The following AKAP13 variants were observed in gnomAD, a reference collection of about 807,000 sequenced individuals.
AKAP13 encodes the protein A-kinase anchoring protein 13.
Under a neutral mutation model 264.5 loss-of-function variants are expected in AKAP13, and 80 were observed. The ratio of observed to expected loss-of-function variants is 0.30; its 90% CI spans 0.25 to 0.36. AKAP13 has a LOEUF of 0.36. Among genes scored for constraint, AKAP13 ranks in the 10% least tolerant of loss-of-function variants. The pLI, the probability that AKAP13 is intolerant of heterozygous loss-of-function variation, is 1.00. For synonymous variants in AKAP13, 1,380 were observed against 1,250.2 expected (o/e 1.10, Z -2.19); for missense variants, 3,712 against 3,435.2 (o/e 1.08, Z -2.01).
At chr15:85,432,427 G>C (rs993446933) in intron 1 of AKAP13, among the ~76,000 whole-genome samples, 1 of 151,908 alleles carries the variant, frequency 6.6e-6, no homozygotes, top group Non-Finnish European at 1.5e-5. Flanking sequence ...GCAGAAAGTG[G>C]TTTGTAAAAT....
At chr15:85,525,782 A>G (rs1332410901) in intron 3 of AKAP13, among the ~76,000 whole-genome samples, 1 of 152,206 alleles carries the variant, frequency 6.6e-6, no homozygotes, top group African/African-American at 2.4e-5. Flanking sequence ...AAATCTGGAC[A>G]TCCTTTGAAG....
At position 85,730,660 on chromosome 15, in the gene AKAP13, A is replaced by G. The variant is rs1337191625; in HGVS notation, c.7235A>G (p.Glu2412Gly). 1.2e-6 allele frequency: 2 copies of G among 1,614,114 alleles called. No individual in the cohort carries two copies. The highest frequency in any genetic ancestry group is 4.5e-5 in the East Asian group (2 of 44,878). The stretch of plus-strand genomic sequence containing the variant: ...AGAGTTCTCTTCCGCTCCAACACAG[A>G]AGAGGCTCTCAAAGGAGGACCTTTA... ...SPRVLFRSNT[E>G]EALKGGPLMK... The change falls in exon 30 of 37, where the codon GAA (glutamate) becomes GGA (glycine). Residue 2412 changes from glutamate to glycine, a missense_variant. By Grantham distance (98) the Glu-to-Gly change is moderately conservative. This residue lies in a region of AKAP13 where 611 missense variants were observed against 539.3 expected (regional missense o/e 1.13). Transcript: ENST00000394518.
In AKAP13 at chr15:85,578,220, C is replaced by T. The variant is rs374126177; in HGVS notation, c.862-710C>T. 1.8e-4 allele frequency among the ~76,000 whole-genome samples: 28 copies of T among 152,314 alleles called. No individual in the cohort carries two copies. The East Asian group carries it at 4.8e-3, about 26-fold the overall frequency. ...GTCACTTGAGCCCAGGAGTTCAAGG[C>T]TGCGGTGAGCTGTGATCACACCACT... is the stretch of plus-strand genomic sequence containing the variant. On this transcript the variant is annotated intron_variant, in intron 6 of 36. Coordinates refer to ENST00000394518, the MANE Select transcript of AKAP13 (RefSeq NM_007200.5).
rs529581037 is a variant in AKAP13 at position 85,716,688 on chromosome 15, T to G, written c.5736-602T>G. 3.3e-5 allele frequency among the ~76,000 whole-genome samples: 5 copies of G among 152,348 alleles called. No homozygotes were observed. The South Asian group carries it at 6.2e-4, about 19-fold the overall frequency. ...ATGTTTTCTCCTCCTCTAAAAAGTT[T>G]CAGGTATTTTTGTTTTGTTTTGTTT... On this transcript the variant is annotated intron_variant, in intron 20 of 36. Transcript: ENST00000394518.
intron 27 of AKAP13, among the ~76,000 whole-genome samples, chr15:85,726,791 T>C (rs1382672552): frequency 6.6e-6 from 1 of 152,262 alleles, no homozygotes; most frequent in Non-Finnish European, 1.5e-5. Flanking sequence ...TGTATAATAT[T>C]GCTGACTGGA....
In AKAP13 at chr15:85,494,900, G is replaced by T. The variant is rs149830803; in HGVS notation, c.33+9147G>T. On this transcript the variant is annotated intron_variant, in intron 2 of 36. Coordinates refer to ENST00000394518, the MANE Select transcript of AKAP13 (RefSeq NM_007200.5). ...TGTAGCAATTGGAAGATGAAGAAGAGAGGAATATTCAAAAAGATAGCATTG... is the reference window on the plus strand; with the variant it reads ...TGTAGCAATTGGAAGATGAAGAAGATAGGAATATTCAAAAAGATAGCATTG... 3.2e-3 allele frequency among the ~76,000 whole-genome samples: 484 copies of T among 151,780 alleles called. 1 individual carries two copies. The highest frequency in any genetic ancestry group is 5.1e-3 in the Non-Finnish European group (347 of 67,914).
chr15:85,575,029 C>G, intron 5 of AKAP13, 102 bp from the exon 6 acceptor site: 1 of 1,187,118 alleles, frequency 8.4e-7, no homozygotes, highest in Non-Finnish European at 1.2e-6. Flanking sequence ...TGTTGAACCT[C>G]AAAGAACAAT....
At chr15:85,738,817 C>T (rs965473283) in intron 33 of AKAP13, among the ~76,000 whole-genome samples, 1 of 142,576 alleles carries the variant, frequency 7.0e-6, no homozygotes, top group Non-Finnish European at 1.5e-5. Context: ...CGCAGTCCGG[C>T]CTGGGCGACA....
chr15:85,667,824 T>G (rs1351421368), intron 13 of AKAP13, among the ~76,000 whole-genome samples: 1 of 152,240 alleles, frequency 6.6e-6, no homozygotes, highest in East Asian at 1.9e-4. Flanking sequence ...CTTAATATTA[T>G]TTATGTGATA....
At chr15:85,594,752 C>T (rs1054321352) in intron 8 of AKAP13, among the ~76,000 whole-genome samples, 1 of 152,170 alleles carries the variant, frequency 6.6e-6, no homozygotes, top group Non-Finnish European at 1.5e-5. Flanking sequence ...GGCCTAGGTC[C>T]ACCTCAGGGA....
chr15:85,678,297 G>A (rs1406975900), intron 14 of AKAP13, among the ~76,000 whole-genome samples: 1 of 152,142 alleles, frequency 6.6e-6, no homozygotes, highest in African/African-American at 2.4e-5. Flanking sequence ...CCTACCACTT[G>A]CTGATTCTAA....
chr15:85,632,272 G>A (rs2081872074), intron 8 of AKAP13, among the ~76,000 whole-genome samples: 1 of 152,094 alleles, frequency 6.6e-6, no homozygotes, highest in South Asian at 2.1e-4. Context: ...GCCCTATGCA[G>A]GCAACACGAA....
intron 8 of AKAP13, among the ~76,000 whole-genome samples, chr15:85,636,517 G>A (rs1007451297): frequency 6.6e-6 from 1 of 152,220 alleles, no homozygotes; most frequent in South Asian, 2.1e-4. Context: ...AATGTTAACC[G>A]TAGGTTTTTT....
intron 12 of AKAP13, among the ~76,000 whole-genome samples, chr15:85,662,818 C>T (rs575199819): frequency 2.6e-5 from 4 of 152,340 alleles, no homozygotes; most frequent in Admixed American, 2.6e-4. Context: ...TATTATGCTT[C>T]TAAATCCACC....
At chr15:85,563,609 A>T (rs1034371153) in intron 5 of AKAP13, among the ~76,000 whole-genome samples, 2 of 152,090 alleles carry the variant, frequency 1.3e-5, no homozygotes, top group Non-Finnish European at 2.9e-5. Flanking sequence ...CACCGCATGA[A>T]CTGTTCCTAC....
At chr15:85,434,137 G>GGT (rs1313739375) in intron 1 of AKAP13, among the ~76,000 whole-genome samples, 8 of 152,008 alleles carry the variant, frequency 5.3e-5, no homozygotes, top group Non-Finnish European at 1.0e-4. Flanking sequence ...GCCGAAGCAG[G>GGT]GCGAGGCATT....
chr15:85,596,527 T>G (rs1305387978), intron 8 of AKAP13, among the ~76,000 whole-genome samples: 1 of 151,986 alleles, frequency 6.6e-6, no homozygotes, highest in East Asian at 1.9e-4. Flanking sequence ...GAGGCTGCGG[T>G]GACCCATGAT....
In AKAP13 at chr15:85,580,873, C is replaced by G. The variant is rs751692409; in HGVS notation, c.2805C>G (p.Ser935=). The G allele has an allele frequency of 3.7e-6, 6 of 1,614,012 alleles. No homozygotes were observed. In the Admixed American group the frequency reaches 8.3e-5, roughly 22 times the overall value. The part of the protein sequence containing the change: ...EQDKDKAVTC[S]SIKENALSSG... Reference sequence around the variant, plus strand: ...ATAAGGATAAAGCGGTGACCTGTTCCTCTATTAAGGAAAATGCTCTCTCTT... The same window carrying G: ...ATAAGGATAAAGCGGTGACCTGTTCGTCTATTAAGGAAAATGCTCTCTCTT... Residue 935 remains serine, a synonymous_variant, in exon 7 of 37, where the codon TCC becomes TCG. Transcript: ENST00000394518.
rs567460471 is a variant in AKAP13, at chr15:85,641,509, G to A, written c.4237+2060G>A. On this transcript the variant is annotated intron_variant, in intron 9 of 36. Coordinates refer to ENST00000394518, the MANE Select transcript of AKAP13 (RefSeq NM_007200.5). ...ATAAATAAATAAATAAATAAATAAC[G>A]GAGTCTCGCTCTGTCGCCCAGGCTG... Among the ~76,000 whole-genome samples the A allele has an allele frequency of 2.7e-4, 39 of 145,256 alleles. 1 individual carries two copies. The East Asian group carries it at 7.2e-3, about 27-fold the overall frequency.
Sources: allele counts gnomAD v4.1 joint callset (sites outside exome capture counted in the v4.1 genomes callset), GRCh38; gene constraint gnomAD v4.1.1; regional missense constraint gnomAD v4.1.1; transcripts MANE v1.5; gene names NCBI Gene and HGNC (gene_info 2026-07-23, HGNC 2026-07-21).